Variants in ZNF442 observed in about 807,000 individuals in gnomAD.
The protein encoded by ZNF442 is zinc finger protein 442.
ZNF442 carries 45 observed loss-of-function variants against 57.0 expected under a neutral mutation model. The ratio of observed to expected loss-of-function variants is 0.79; its 90% CI spans 0.62 to 1.01. The LOEUF is 1.01. Ranked by LOEUF, ZNF442 falls within the 50% of genes least tolerant of loss-of-function variation. ZNF442 has a pLI of 0.00. For synonymous variants in ZNF442, 213 were observed against 241.8 expected, an observed-to-expected ratio of 0.88 and a Z score of 1.10; for missense variants, 690 against 756.5, an observed-to-expected ratio of 0.91 and a Z score of 1.03.
intron 3 of ZNF442, among the ~76,000 whole-genome samples, chr19:12,354,851 A>G (rs776895046): frequency 1.3e-5 from 2 of 152,244 alleles, no homozygotes; most frequent in Non-Finnish European, 2.9e-5. Flanking sequence ...TATAGTACGC[A>G]ATACGTATGA....
chr19:12,357,631 G>A (rs1015914292), intron 3 of ZNF442, among the ~76,000 whole-genome samples: 1 of 150,664 alleles, frequency 6.6e-6, no homozygotes, highest in African/African-American at 2.4e-5. Context: ...GTGATTACAG[G>A]TGTGAGCCAC....
chr19:12,370,307 C>T (rs1407361099), upstream of ZNF442, among the ~76,000 whole-genome samples: 3 of 151,908 alleles, frequency 2.0e-5, no homozygotes, highest in East Asian at 1.9e-4. Context: ...CAATAGGGTT[C>T]GTGCTCCTAT....
At position 12,348,665 on chromosome 19, in the gene ZNF442, C is replaced by CA. The variant is rs1270784505; in HGVS notation, c.*1035dup. ...CATCCAACACAGATGATCATCCTGA[C>CA]ATCCTGTCAAGATTCAAGTGAGCCT... is the stretch of plus-strand genomic sequence containing the variant. On this transcript the variant is annotated 3_prime_UTR_variant, in exon 6 of 6. Coordinates refer to ENST00000242804, the MANE Select transcript of ZNF442 (RefSeq NM_030824.3). The CA allele has an allele frequency of 6.6e-6, 1 of 152,166 alleles. No homozygotes were observed. Among genetic ancestry groups the CA allele is most frequent in the African/African-American group, 2.4e-5 (1 of 41,442 alleles). 9.4% of individuals were successfully genotyped at this position (152,166 alleles called of 1,614,324 possible). A position where few individuals can be genotyped will look rare whatever the true frequency, so the allele number is the denominator to read the frequency against.
upstream of ZNF442, among the ~76,000 whole-genome samples, chr19:12,367,919 C>T (rs941508315): frequency 5.9e-5 from 9 of 152,128 alleles, no homozygotes; most frequent in East Asian, 3.9e-4. Context: ...CCACCCGCCT[C>T]GGCCTCTCAA....
At chr19:12,354,687 C>G in intron 3 of ZNF442, among the ~76,000 whole-genome samples, 1 of 152,202 alleles carries the variant, frequency 6.6e-6, no homozygotes, top group East Asian at 1.9e-4. Flanking sequence ...TCTCCTGCCT[C>G]AGCCTCCTGA....
chr19:12,353,210 GCAATGATT>G, intron 3 of ZNF442, 96 bp from the exon 4 acceptor site: 1 of 1,338,828 alleles, frequency 7.5e-7, no homozygotes, highest in Non-Finnish European at 1.0e-6. Flanking sequence ...TTATTTCTAA[GCAATGATT>G]CAATGACATG....
the ZNF442 span, among the ~76,000 whole-genome samples, chr19:12,371,950 T>C: frequency 1.3e-5 from 2 of 152,078 alleles, no homozygotes; most frequent in African/African-American, 4.8e-5. Context: ...ACAAGTGGGA[T>C]CTAATTAAAT....
chr19:12,349,417 T>G lies in ZNF442; in HGVS notation c.*284A>C. ...TTTTATTTTTACTTTTACAAAAGCT[T>G]TGGGTTGGTGAAAAATTAAGTAATC... On this transcript the variant is annotated 3_prime_UTR_variant, in exon 6 of 6. Transcript: ENST00000242804. 4.1e-6 allele frequency: 1 copy of G among 246,154 alleles called. No individual in the cohort carries two copies. The highest frequency in any genetic ancestry group is 7.8e-6 in the Non-Finnish European group (1 of 128,954). The allele number at this position is 246,154 out of a possible 1,614,324, so 15.2% of individuals were successfully genotyped here. A position where few individuals can be genotyped will look rare whatever the true frequency, so the allele number is the denominator to read the frequency against.
intron 3 of ZNF442, among the ~76,000 whole-genome samples, chr19:12,358,223 A>G (rs1969367386): frequency 6.6e-6 from 1 of 152,102 alleles, no homozygotes; most frequent in Non-Finnish European, 1.5e-5. Context: ...TTGGCCTCCC[A>G]AAGTGCTGGG....
rs767496847 is a variant in ZNF442, at chr19:12,349,894, C to CT, written c.1690dup (p.Arg564LysfsTer10). On this transcript the variant is annotated frameshift_variant, in exon 6 of 6. Transcript: ENST00000242804. LOFTEE classifies it high-confidence loss of function. The stretch of plus-strand genomic sequence containing the variant: ...ATAAGATTTCTTTCCAGTGTGAATT[C>CT]TTTCATGTCGCAGAAGGCAAGTGAG... 3.7e-6 allele frequency: 6 copies of CT among 1,613,942 alleles called. No homozygotes were observed. In the African/African-American group the frequency reaches 8.0e-5, roughly 22 times the overall value.
chr19:12,350,457 G>A lies in ZNF442; in HGVS notation c.1128C>T (p.Pro376=). The change falls in exon 6 of 6, where the codon CCC becomes CCT. Residue 376 remains proline, a synonymous_variant. Coordinates refer to ENST00000242804, the MANE Select transcript of ZNF442 (RefSeq NM_030824.3). The part of the protein sequence containing the change: ...SHERTHTGEK[P]YECKQCGKAL... ...CTTTCCCACACTGCTTGCATTCATA[G>A]GGTTTCTCTCCAGTGTGAGTTCTTT... 1 of 1,613,214 alleles carries A rather than the reference G, an allele frequency of 6.2e-7. No individual in the cohort carries two copies. Among genetic ancestry groups the A allele is most frequent in the Non-Finnish European group, 8.5e-7 (1 of 1,179,708 alleles).
chr19:12,352,094 C>T, intron 4 of ZNF442, 24 bp from the exon 5 acceptor site: 1 of 1,605,474 alleles, frequency 6.2e-7, no homozygotes, highest in South Asian at 1.1e-5. Flanking sequence ...ACAGAAAAAA[C>T]ACTGTAGATT....
At chr19:12,351,421 A>G in intron 5 of ZNF442, 103 bp from the exon 6 acceptor site, 1 of 1,071,094 alleles carries the variant, frequency 9.3e-7, no homozygotes, top group Non-Finnish European at 1.3e-6. Flanking sequence ...TGCAACGTGT[A>G]GGCTTCATGC....
rs371108711 is a variant in ZNF442 at position 12,350,659 on chromosome 19, C to T, written c.926G>A (p.Arg309Gln). Residue 309 changes from arginine (R) to glutamine (Q), a missense_variant, in exon 6 of 6, where the codon CGA becomes CAA. Arg to Gln is a conservative substitution (Grantham distance 43). Transcript: ENST00000242804. ...GRAFSVSSSLRIHERTHTGEK... is the reference protein window; with the variant it reads ...GRAFSVSSSLQIHERTHTGEK... ...TCCAGTGTGAGTTCTTTCATGTATTCGAAGGGAACTGGAAACACTGAAGGC... is the reference window on the plus strand; with the variant it reads ...TCCAGTGTGAGTTCTTTCATGTATTTGAAGGGAACTGGAAACACTGAAGGC... The T allele has an allele frequency of 9.2e-5, 149 of 1,613,528 alleles. No homozygotes were observed. Among genetic ancestry groups the T allele is most frequent in the Admixed American group, 2.0e-4 (12 of 59,960 alleles).
intron 3 of ZNF442, among the ~76,000 whole-genome samples, chr19:12,355,804 G>GA (rs1969318764): frequency 6.6e-6 from 1 of 151,830 alleles, no homozygotes; most frequent in South Asian, 2.1e-4. Context: ...CTGATCACTA[G>GA]AAAAAATACA....
chr19:12,362,289 A>T (rs188693833), intron 3 of ZNF442, among the ~76,000 whole-genome samples: 1 of 150,512 alleles, frequency 6.6e-6, no homozygotes, highest in African/African-American at 2.5e-5. Context: ...ATCTCTGCCC[A>T]GCTGCCCATC....
chr19:12,367,956 C>T (rs1368226312), upstream of ZNF442, among the ~76,000 whole-genome samples: 2 of 152,172 alleles, frequency 1.3e-5, no homozygotes, highest in East Asian at 1.9e-4. Flanking sequence ...GCATGAGCCA[C>T]CACACCTGGA....
chr19:12,372,917 G>A, the ZNF442 span, among the ~76,000 whole-genome samples: 1 of 152,164 alleles, frequency 6.6e-6, no homozygotes, highest in East Asian at 1.9e-4. Context: ...GGGACTATAG[G>A]CACATGCCAC....
the ZNF442 span, among the ~76,000 whole-genome samples, chr19:12,371,489 T>C: frequency 6.6e-6 from 1 of 152,232 alleles, no homozygotes; most frequent in East Asian, 1.9e-4. Flanking sequence ...CAGGGGTTTA[T>C]GTTCAGATTT....
Sources: allele counts gnomAD v4.1 joint callset (sites outside exome capture counted in the v4.1 genomes callset), GRCh38; gene constraint gnomAD v4.1.1; transcripts MANE v1.5; gene names NCBI Gene and HGNC (gene_info 2026-07-23, HGNC 2026-07-21).